Variants in ZNF585B observed in about 807,000 individuals in gnomAD.
ZNF585B encodes zinc finger protein 41-like protein.
ZNF585B carries 7 observed loss-of-function variants against 14.0 expected under a neutral mutation model. That is an observed-to-expected ratio of 0.50 (90% CI 0.28 to 0.94). ZNF585B has a LOEUF of 0.94. Ranked by LOEUF, ZNF585B falls within the 40% of genes least tolerant of loss-of-function variation. The pLI, the probability that ZNF585B is intolerant of heterozygous loss-of-function variation, is 0.09. For synonymous variants in ZNF585B, 290 were observed against 317.3 expected, an observed-to-expected ratio of 0.91 and a Z score of 0.91; for missense variants, 750 against 924.4, an observed-to-expected ratio of 0.81 and a Z score of 2.45.
intron 2 of ZNF585B, among the ~76,000 whole-genome samples, chr19:37,201,914 T>G (rs2145443114): frequency 6.6e-6 from 1 of 152,356 alleles, no homozygotes; most frequent in East Asian, 1.9e-4. Flanking sequence ...TTTTACTATT[T>G]TAGTTTTTAG....
At position 37,185,915 on chromosome 19, in the gene ZNF585B, T is replaced by C. The variant is rs1568505778; in HGVS notation, c.1622A>G (p.Gln541Arg). The C allele has an allele frequency of 6.2e-7, 1 of 1,614,184 alleles. No individual in the cohort carries two copies. Among genetic ancestry groups the C allele is most frequent in the Non-Finnish European group, 8.5e-7 (1 of 1,180,044 alleles). The change falls in exon 5 of 5, where the codon CAG (glutamine) becomes CGG (arginine). Residue 541 changes from glutamine to arginine, a missense_variant. Physicochemically the swap from Gln to Arg is conservative, Grantham distance 43 (BLOSUM62 1). Coordinates refer to ENST00000532828, the MANE Select transcript of ZNF585B (RefSeq NM_152279.4). ...FTQKSNLNIH[Q>R]KIHTGERQYE... Reference sequence around the variant, plus strand: ...CTGTCTCTCTCCAGTGTGAATTTTCTGATGTATATTAAGATTTGACTTCTG... The same window carrying C: ...CTGTCTCTCTCCAGTGTGAATTTTCCGATGTATATTAAGATTTGACTTCTG...
chr19:37,200,994 C>T (rs768577791), intron 2 of ZNF585B, among the ~76,000 whole-genome samples: 11 of 150,646 alleles, frequency 7.3e-5, no homozygotes, highest in African/African-American at 2.2e-4. Flanking sequence ...CAGAGGCTGA[C>T]GCAGGAGAAT....
chr19:37,208,037 ACC>A (rs1286578527), intron 1 of ZNF585B, among the ~76,000 whole-genome samples: 1 of 152,092 alleles, frequency 6.6e-6, no homozygotes, highest in Non-Finnish European at 1.5e-5. Flanking sequence ...CAGTGACACA[ACC>A]TCATCTCACT....
intron 2 of ZNF585B, chr19:37,198,803 A>ATAGAGG (rs147156910): frequency 3.3e-6 from 1 of 303,444 alleles, no homozygotes; most frequent in Non-Finnish European, 5.3e-6. Flanking sequence ...TATTTATTGT[A>ATAGAGG]TAAAGATTCA....
intron 2 of ZNF585B, among the ~76,000 whole-genome samples, chr19:37,205,399 AAG>A (rs1972575312): frequency 6.6e-6 from 1 of 152,232 alleles, no homozygotes; most frequent in East Asian, 1.9e-4. Context: ...ATCCAATAGA[AAG>A]AGAAGGCATG....
intron 2 of ZNF585B, among the ~76,000 whole-genome samples, chr19:37,201,875 C>T (rs1372690808): frequency 6.6e-6 from 1 of 152,116 alleles, no homozygotes; most frequent in Non-Finnish European, 1.5e-5. Context: ...TGTACCATTA[C>T]TTCTGATATA....
In ZNF585B at chr19:37,186,380, T is replaced by C; in HGVS notation, c.1157A>G (p.Asp386Gly). ...HTGEKPYECSDCGRAFTQKSA... is the reference protein window; with the variant it reads ...HTGEKPYECSGCGRAFTQKSA... ...CTTCTGAGTGAAGGCTCTCCCACAG[T>C]CACTGCATTCATAAGGTTTCTCTCC... Residue 386 changes from aspartate to glycine, a missense_variant, in exon 5 of 5, where the codon GAC becomes GGC. Transcript: ENST00000532828. The C allele has an allele frequency of 6.2e-7, 1 of 1,614,170 alleles. No homozygotes were observed. Among genetic ancestry groups the C allele is most frequent in the African/African-American group, 1.3e-5 (1 of 75,044 alleles).
At chr19:37,198,012 G>A (rs1972487651) in intron 2 of ZNF585B, among the ~76,000 whole-genome samples, 1 of 152,058 alleles carries the variant, frequency 6.6e-6, no homozygotes, top group East Asian at 1.9e-4. Context: ...CCAGGAATGT[G>A]TAGAGAAGGC....
chr19:37,186,860 T>C lies in ZNF585B; in HGVS notation c.677A>G (p.Asn226Ser), dbSNP rs762153717. ...TTTCTCATGTATACTGAGATCTGAG[T>C]TATAAGGGAAACCTTTCCCACATTC... ...CSECGKGFPY[N>S]SDLSIHEKIH... Residue 226 changes from asparagine (N) to serine (S), a missense_variant, in exon 5 of 5, where the codon AAC becomes AGC. By Grantham distance (46) the Asn-to-Ser change is conservative (BLOSUM62 1). This residue lies in a region of ZNF585B where 517 missense variants were observed against 570.3 expected (regional missense o/e 0.91). Transcript: ENST00000532828. 2 of 1,613,808 alleles carry C rather than the reference T, an allele frequency of 1.2e-6. No individual in the cohort carries two copies. The highest frequency in any genetic ancestry group is 2.7e-5 in the African/African-American group (2 of 74,900).
chr19:37,206,582 A>C (rs1330109269), intron 2 of ZNF585B, among the ~76,000 whole-genome samples: 1 of 152,222 alleles, frequency 6.6e-6, no homozygotes, highest in Admixed American at 6.5e-5. Context: ...AAAGTTACCC[A>C]GAATGGATAG....
chr19:37,188,648 G>A (rs575654437), intron 4 of ZNF585B, among the ~76,000 whole-genome samples: 48 of 148,644 alleles, frequency 3.2e-4, no homozygotes, highest in African/African-American at 7.6e-4. Context: ...CAGCCTGGGC[G>A]ACAGAGTGAG....
In ZNF585B at chr19:37,184,733, T is replaced by C. The variant is rs528918673; in HGVS notation, c.*494A>G. 9 of 336,480 alleles carry C rather than the reference T, an allele frequency of 2.7e-5. No individual in the cohort carries two copies. Among genetic ancestry groups the C allele is most frequent in the African/African-American group, 1.9e-4 (9 of 47,494 alleles). The allele number at this position is 336,480 out of a possible 1,614,324, so 20.8% of individuals were successfully genotyped here. A position where few individuals can be genotyped will look rare whatever the true frequency, so the allele number is the denominator to read the frequency against. On this transcript the variant is annotated 3_prime_UTR_variant, in exon 5 of 5. Coordinates refer to ENST00000532828, the MANE Select transcript of ZNF585B (RefSeq NM_152279.4). The stretch of plus-strand genomic sequence containing the variant: ...TAGAAATACTCAATGGGGAATTGGA[T>C]ATGCACAACTGTGTTCGATTCAAAA...
In ZNF585B at chr19:37,183,765, G is replaced by A. The variant is rs1474666081; in HGVS notation, c.*1462C>T. The stretch of plus-strand genomic sequence containing the variant: ...GGACGAAGATGGACACAAGTAGACA[G>A]TGAACATATGGTGGGGTTGGTTTTC... On this transcript the variant is annotated 3_prime_UTR_variant, in exon 5 of 5. Coordinates refer to ENST00000532828, the MANE Select transcript of ZNF585B (RefSeq NM_152279.4). 1.3e-5 allele frequency: 2 copies of A among 152,226 alleles called. No homozygotes were observed. Among genetic ancestry groups the A allele is most frequent in the African/African-American group, 2.4e-5 (1 of 41,418 alleles). 9.4% of individuals were successfully genotyped at this position (152,226 alleles called of 1,614,324 possible). A position where few individuals can be genotyped will look rare whatever the true frequency, so the allele number is the denominator to read the frequency against.
intron 2 of ZNF585B, among the ~76,000 whole-genome samples, chr19:37,205,767 T>G (rs1164463990): frequency 2.6e-5 from 4 of 152,042 alleles, no homozygotes; most frequent in Non-Finnish European, 5.9e-5. Context: ...CACAATATCT[T>G]CAGATGGATA....
chr19:37,197,665 T>C (rs1395919209), intron 2 of ZNF585B, among the ~76,000 whole-genome samples: 5 of 152,224 alleles, frequency 3.3e-5, no homozygotes, highest in Admixed American at 1.3e-4. Flanking sequence ...TTTTTAACGA[T>C]TGCCATTCTA....
rs550589843 is a variant in ZNF585B at position 37,203,435 on chromosome 19, G to A, written c.72+3605C>T. On this transcript the variant is annotated intron_variant, in intron 2 of 4. Coordinates refer to ENST00000532828, the MANE Select transcript of ZNF585B (RefSeq NM_152279.4). ...GCAGAGGTTGCAGTGAACTGAGATC[G>A]TGCCACCGCACTCCAGCCTGGGCAA... 3.5e-5 allele frequency among the ~76,000 whole-genome samples: 5 copies of A among 141,832 alleles called. No homozygotes were observed. In the South Asian group the frequency reaches 1.1e-3, roughly 32 times the overall value. 93.0% of individuals were successfully genotyped at this position (141,832 alleles called of 152,430 possible).
chr19:37,185,233 G>C lies in ZNF585B; in HGVS notation c.2304C>G (p.His768Gln). 6.2e-7 allele frequency: 1 copy of C among 1,610,862 alleles called. No homozygotes were observed. The highest frequency in any genetic ancestry group is 8.5e-7 in the Non-Finnish European group (1 of 1,177,750). ...TTTTCTCACACTGTTTCTCTCAAGCGTGGCTGCTCTGATGAACACTGAACA... is the reference window on the plus strand; with the variant it reads ...TTTTCTCACACTGTTTCTCTCAAGCCTGGCTGCTCTGATGAACACTGAACA... ...KSVFSVHQSS[H>Q]A Residue 768 changes from histidine (H) to glutamine (Q), a missense_variant, in exon 5 of 5, where the codon CAC becomes CAG. By Grantham distance (24) the His-to-Gln change is conservative. Transcript: ENST00000532828.
At chr19:37,199,229 T>TA (rs1438874022) in intron 2 of ZNF585B, among the ~76,000 whole-genome samples, 2 of 152,130 alleles carry the variant, frequency 1.3e-5, no homozygotes, top group Non-Finnish European at 2.9e-5. Context: ...ATGAGCTTCT[T>TA]ATACACAGTT....
Position 37,207,032 on chromosome 19 carries a change from C to T in ZNF585B, c.72+8G>A. The T allele has an allele frequency of 6.2e-7, 1 of 1,613,728 alleles. No individual in the cohort carries two copies. Among genetic ancestry groups the T allele is most frequent in the South Asian group, 1.1e-5 (1 of 91,056 alleles). The stretch of plus-strand genomic sequence containing the variant: ...GAAATTCCACCCCTTGGGACTCCTC[C>T]TCCTCACCTCATAGGAGCTGCCATG... On this transcript the variant is annotated splice_region_variant and intron_variant, in intron 2 of 4. Coordinates refer to ENST00000532828, the MANE Select transcript of ZNF585B (RefSeq NM_152279.4).
Sources: allele counts gnomAD v4.1 joint callset (sites outside exome capture counted in the v4.1 genomes callset), GRCh38; gene constraint gnomAD v4.1.1; regional missense constraint gnomAD v4.1.1; transcripts MANE v1.5; gene names NCBI Gene and HGNC (gene_info 2026-07-23, HGNC 2026-07-21).